Variants in PTPRN2 observed in about 807,000 individuals in gnomAD.
PTPRN2 encodes receptor-type tyrosine-protein phosphatase N2.
Under a neutral mutation model 118.8 loss-of-function variants are expected in PTPRN2, and 74 were observed. The observed-to-expected ratio is 0.62, with a 90% CI of 0.52 to 0.76. The LOEUF (loss-of-function observed/expected upper bound fraction) is 0.76. PTPRN2 is among the 30% of genes least tolerant of loss of function. The probability of loss-of-function intolerance (pLI) is 0.00; values close to 1 mark genes in which losing one functional copy is unlikely to be tolerated. For missense variants in PTPRN2, 1,481 were observed against 1,394.4 expected, an observed-to-expected ratio of 1.06 and a Z score of -0.99; for synonymous variants, 641 against 608.0, an observed-to-expected ratio of 1.05 and a Z score of -0.80.
intron 11 of PTPRN2, among the ~76,000 whole-genome samples, chr7:157,910,705 CGTGTGTGTGT>C (rs34091528): frequency 5.4e-4 from 82 of 151,282 alleles, no homozygotes; most frequent in African/African-American, 1.9e-3. Context: ...CGGCAGGGCA[CGTGTGTGTGT>C]GTGTGTGTGC....
At chr7:158,259,921 TTC>T (rs543826271) in intron 3 of PTPRN2, among the ~76,000 whole-genome samples, 3 of 134,360 alleles carry the variant, frequency 2.2e-5, no homozygotes, top group African/African-American at 9.3e-5. Flanking sequence ...GTGCATGTGT[TTC>T]TGTGTCCATG....
At chr7:158,415,403 A>C (rs761565555) in intron 2 of PTPRN2, among the ~76,000 whole-genome samples, 8 of 152,094 alleles carry the variant, frequency 5.3e-5, no homozygotes, top group Non-Finnish European at 1.0e-4. Context: ...CATCCTCTCT[A>C]AGCCCCCACC....
intron 11 of PTPRN2, among the ~76,000 whole-genome samples, chr7:158,057,097 G>A (rs900676294): frequency 3.9e-5 from 6 of 152,306 alleles, no homozygotes; most frequent in East Asian, 1.9e-4. Context: ...CCCAGCTCCC[G>A]ATTCCGCTCA....
Position 158,213,766 on chromosome 7 carries a change from T to G in PTPRN2, c.278-8493A>C, listed in dbSNP as rs575037096. Among the ~76,000 whole-genome samples the G allele has an allele frequency of 2.0e-5, 3 of 152,306 alleles. No homozygotes were observed. The East Asian group carries it at 5.8e-4, about 29-fold the overall frequency. On this transcript the variant is annotated intron_variant, in intron 3 of 22. Coordinates refer to ENST00000389418, the MANE Select transcript of PTPRN2 (RefSeq NM_002847.5). The stretch of plus-strand genomic sequence containing the variant: ...ATTGTGGATTTAGAAATAAGGATAT[T>G]TTAACCACGCCATTCCTAAAAGGGA...
At chr7:157,738,049 G>A (rs1800404104) in intron 12 of PTPRN2, among the ~76,000 whole-genome samples, 4 of 152,230 alleles carry the variant, frequency 2.6e-5, no homozygotes, top group Admixed American at 2.0e-4. Flanking sequence ...CCTGTGGAGA[G>A]CTGTTATTTT....
chr7:158,161,701 G>T (rs189077413), intron 6 of PTPRN2, among the ~76,000 whole-genome samples: 1 of 152,204 alleles, frequency 6.6e-6, no homozygotes, highest in Admixed American at 6.5e-5. Context: ...AACACCAAAG[G>T]CAAAATCCAT....
intron 6 of PTPRN2, among the ~76,000 whole-genome samples, chr7:158,154,180 G>C (rs1821479772): frequency 6.6e-6 from 1 of 152,166 alleles, no homozygotes; most frequent in Non-Finnish European, 1.5e-5. Context: ...CTGCCTTCCA[G>C]AAAAGGCAGC....
Position 157,835,261 on chromosome 7 carries a change from C to G in PTPRN2, c.1788+63412G>C, listed in dbSNP as rs561163459. ...CACACAGCCTCTCTAAAAACAGGAG[C>G]AGAAACACACAACACAACGGGAAAA... On this transcript the variant is annotated intron_variant, in intron 12 of 22. Coordinates refer to ENST00000389418, the MANE Select transcript of PTPRN2 (RefSeq NM_002847.5). Among the ~76,000 whole-genome samples, 45 of 152,136 alleles carry G rather than the reference C, an allele frequency of 3.0e-4. No individual in the cohort carries two copies. In the South Asian group the frequency reaches 8.9e-3, roughly 30 times the overall value.
rs950694509 is a variant in PTPRN2, at chr7:158,022,655, T to C, written c.1723+58643A>G. 6.9e-6 allele frequency among the ~76,000 whole-genome samples: 1 copy of C among 144,686 alleles called. No individual in the cohort carries two copies. The highest frequency in any genetic ancestry group is 1.5e-5 in the Non-Finnish European group (1 of 65,042). The allele number at this position is 144,686 out of a possible 152,430, so 94.9% of individuals were successfully genotyped here. On this transcript the variant is annotated intron_variant, in intron 11 of 22. Transcript: ENST00000389418. The surrounding 1 kb of genome is among the most constrained non-coding windows in gnomAD (Gnocchi z 4.6). ...TCTGGGGCAGCCTGTAATGTGTTCA[T>C]AGCCAAGGCCCAGGCACCTGGGCAC...
intron 12 of PTPRN2, among the ~76,000 whole-genome samples, chr7:157,789,784 GTA>G (rs1305147546): frequency 3.3e-5 from 5 of 149,472 alleles, no homozygotes; most frequent in South Asian, 2.2e-4. Flanking sequence ...TGTGTATATG[GTA>G]TGTGTGTGGT....
intron 11 of PTPRN2, among the ~76,000 whole-genome samples, chr7:158,054,995 G>A (rs73171544): frequency 0.13 from 20,268 of 152,192 alleles, 1,703 homozygotes; most frequent in Admixed American, 0.21. Flanking sequence ...AGCTGTGGGC[G>A]GTAAGCCACC....
rs559762394 is a variant in PTPRN2 at position 158,122,446 on chromosome 7, G to A, written c.1556+11231C>T. Among the ~76,000 whole-genome samples, 10 of 152,292 alleles carry A rather than the reference G, an allele frequency of 6.6e-5. No individual in the cohort carries two copies. In the South Asian group the frequency reaches 8.3e-4, roughly 13 times the overall value. On this transcript the variant is annotated intron_variant, in intron 9 of 22. Transcript: ENST00000389418. ...GCCCCGGCACAGTGCTGGGTCTTCC[G>A]TGTGGCATCCACATCACCCCGAAAT...
At chr7:158,426,975 G>C (rs112270995) in intron 2 of PTPRN2, among the ~76,000 whole-genome samples, 1 of 1,122 alleles carries the variant, frequency 8.9e-4, no homozygotes, top group East Asian at 0.042. Context: ...TCCGAGACCA[G>C]CCTAGCTGAG....
intron 6 of PTPRN2, among the ~76,000 whole-genome samples, chr7:158,160,788 G>A (rs1305144795): frequency 1.3e-5 from 2 of 152,194 alleles, no homozygotes; most frequent in Admixed American, 6.5e-5. Flanking sequence ...CTGCTCATAA[G>A]TGTGATGCCC....
In PTPRN2 at chr7:157,632,324, T is replaced by G. The variant is rs937828505; in HGVS notation, c.2197-10815A>C. Among the ~76,000 whole-genome samples the G allele has an allele frequency of 6.6e-6, 1 of 152,190 alleles. No homozygotes were observed. The highest frequency in any genetic ancestry group is 1.5e-5 in the Non-Finnish European group (1 of 68,024). On this transcript the variant is annotated intron_variant, in intron 14 of 22. Coordinates refer to ENST00000389418, the MANE Select transcript of PTPRN2 (RefSeq NM_002847.5). This position sits in a 1 kb window ranked among gnomAD's most constrained non-coding sequence, Gnocchi z 4.3. Reference sequence around the variant, plus strand: ...CACCAACGCCTGGTGATCCTCGATTTCAGTTTATGACTTCCACTAAACTTC... The same window carrying G: ...CACCAACGCCTGGTGATCCTCGATTGCAGTTTATGACTTCCACTAAACTTC...
chr7:157,914,881 T>C (rs2128764853), intron 11 of PTPRN2, among the ~76,000 whole-genome samples: 1 of 152,292 alleles, frequency 6.6e-6, no homozygotes, highest in African/African-American at 2.4e-5. Context: ...TTTTAGAAAA[T>C]TTCTTAGTTC....
chr7:158,142,063 T>A (rs1412218790), intron 6 of PTPRN2, among the ~76,000 whole-genome samples: 4 of 152,210 alleles, frequency 2.6e-5, no homozygotes, highest in African/African-American at 9.6e-5. Context: ...AGTGTCCGTA[T>A]TAACCCCACA....
In PTPRN2 at chr7:157,990,628, C is replaced by A. The variant is rs185917309; in HGVS notation, c.1723+90670G>T. ...GCAGGCTGGGGGTCAGGGCTCAGGG[C>A]GGTGCTGACAGTAGGACATGCTGGT... On this transcript the variant is annotated intron_variant, in intron 11 of 22. Coordinates refer to ENST00000389418, the MANE Select transcript of PTPRN2 (RefSeq NM_002847.5). The surrounding 1 kb of genome is among the most constrained non-coding windows in gnomAD (Gnocchi z 4.3). Among the ~76,000 whole-genome samples the A allele has an allele frequency of 6.6e-6, 1 of 152,142 alleles. No homozygotes were observed. Among genetic ancestry groups the A allele is most frequent in the African/African-American group, 2.4e-5 (1 of 41,440 alleles).
intron 3 of PTPRN2, among the ~76,000 whole-genome samples, chr7:158,244,026 C>T (rs1393970062): frequency 6.6e-6 from 1 of 152,158 alleles, no homozygotes; most frequent in Non-Finnish European, 1.5e-5. Context: ...TAGTGCTGAT[C>T]CCTCCCACCC....
Sources: gnomAD v4.1 joint callset for allele counts (sites outside exome capture counted in the v4.1 genomes callset) on GRCh38, gnomAD v4.1.1 for gene constraint, Gnocchi (gnomAD v3.1) non-coding constraint, MANE v1.5 for transcripts, NCBI Gene and HGNC (gene_info 2026-07-23, HGNC 2026-07-21) for gene names.